ANKRD12: variants seen among roughly 807,000 people sequenced by gnomAD.
ANKRD12 encodes ankyrin repeat domain 12.
A neutral mutation model predicts 183.4 loss-of-function variants in ANKRD12; 85 were observed. The observed-to-expected ratio is 0.46, with a 90% CI of 0.39 to 0.56. ANKRD12 has a LOEUF of 0.56. ANKRD12 is among the 20% of genes least tolerant of loss of function. The pLI is 0.00. For missense variants in ANKRD12, 2,405 were observed against 2,357.1 expected, an observed-to-expected ratio of 1.02 and a Z score of -0.42; for synonymous variants, 914 against 800.2, an observed-to-expected ratio of 1.14 and a Z score of -2.40.
At chr18:9,146,202 ATTTGCC>A (rs1006627697) in intron 1 of ANKRD12, among the ~76,000 whole-genome samples, 13 of 152,208 alleles carry the variant, frequency 8.5e-5, no homozygotes, top group African/African-American at 3.1e-4. Context: ...CATCAGTGAC[ATTTGCC>A]TTTTTTTCCC....
chr18:9,187,687 A>G (rs1952556252), intron 2 of ANKRD12, among the ~76,000 whole-genome samples: 1 of 152,174 alleles, frequency 6.6e-6, no homozygotes, highest in Non-Finnish European at 1.5e-5. Flanking sequence ...TTTTCCCCCC[A>G]TTGATTCTAG....
chr18:9,144,496 C>T (rs1323993602), intron 1 of ANKRD12, among the ~76,000 whole-genome samples: 1 of 152,124 alleles, frequency 6.6e-6, no homozygotes, highest in Non-Finnish European at 1.5e-5. Flanking sequence ...TTTGTATACT[C>T]AGATGTTAGG....
intron 4 of ANKRD12, among the ~76,000 whole-genome samples, chr18:9,207,466 C>A (rs959046389): frequency 1.2e-4 from 19 of 152,018 alleles, no homozygotes; most frequent in Non-Finnish European, 2.8e-4. Context: ...TGATTTTTCT[C>A]AGCCATAAAG....
chr18:9,207,728 G>T (rs1200869024), intron 4 of ANKRD12, among the ~76,000 whole-genome samples: 1 of 151,656 alleles, frequency 6.6e-6, no homozygotes, highest in Admixed American at 6.6e-5. Context: ...GCTCCTCTTT[G>T]CAGGTACCCT....
At chr18:9,203,571 C>G (rs1281365523) in intron 3 of ANKRD12, among the ~76,000 whole-genome samples, 1 of 150,288 alleles carries the variant, frequency 6.7e-6, no homozygotes, top group Non-Finnish European at 1.5e-5. Context: ...AGGCAGAATT[C>G]CATATATATA....
rs181948596 is a variant in ANKRD12, at chr18:9,155,561, T to C, written c.-52+18596T>C. 3.5e-4 allele frequency among the ~76,000 whole-genome samples: 54 copies of C among 152,370 alleles called. No homozygotes were observed. In the East Asian group the frequency reaches 5.2e-3, roughly 15 times the overall value. ...GCCAAATACCTCTCCAAGGAGAATA[T>C]ATCCCAATTTTTATCCCCATCAGCA... On this transcript the variant is annotated intron_variant, in intron 1 of 12. Transcript: ENST00000262126.
chr18:9,255,418 C>G lies in ANKRD12; in HGVS notation c.2151C>G (p.Ser717=). 6.4e-7 allele frequency: 1 copy of G among 1,571,138 alleles called. No individual in the cohort carries two copies. The highest frequency in any genetic ancestry group is 8.6e-7 in the Non-Finnish European group (1 of 1,167,484). ...TCTTTTTAAATATGGAACATGAATCCTTAACATTAGAAAAAAAATCAAAAT... is the reference window on the plus strand; with the variant it reads ...TCTTTTTAAATATGGAACATGAATCGTTAACATTAGAAAAAAAATCAAAAT... ...EDLFLNMEHE[S]LTLEKKSKLE... is the part of the protein sequence containing the mutation. Residue 717 remains serine, a synonymous_variant, in exon 9 of 13, where the codon TCC becomes TCG. Transcript: ENST00000262126.
At chr18:9,153,482 T>G (rs2029906225) in intron 1 of ANKRD12, among the ~76,000 whole-genome samples, 1 of 152,226 alleles carries the variant, frequency 6.6e-6, no homozygotes, top group South Asian at 2.1e-4. Context: ...TTTTCCTGGT[T>G]TGGCCCTTGG....
At chr18:9,204,307 G>A (rs1012578494) in intron 3 of ANKRD12, among the ~76,000 whole-genome samples, 169 bp from the exon 4 acceptor site, 3 of 152,292 alleles carry the variant, frequency 2.0e-5, no homozygotes, top group Non-Finnish European at 1.5e-5. Flanking sequence ...ATTAGGTGTT[G>A]ACCAAACCTG....
chr18:9,228,113 A>G (rs947882913), intron 8 of ANKRD12, among the ~76,000 whole-genome samples: 2 of 151,876 alleles, frequency 1.3e-5, no homozygotes, highest in African/African-American at 4.8e-5. Context: ...AATGACATCC[A>G]TGTTGCTGCA....
chr18:9,168,826 A>G (rs1040335069), intron 1 of ANKRD12, among the ~76,000 whole-genome samples: 3 of 151,660 alleles, frequency 2.0e-5, no homozygotes, highest in Non-Finnish European at 4.4e-5. Context: ...TGTCAATTTT[A>G]GATCTTTCCT....
chr18:9,205,050 T>C (rs996127077), intron 4 of ANKRD12, among the ~76,000 whole-genome samples: 2 of 152,230 alleles, frequency 1.3e-5, no homozygotes, highest in African/African-American at 4.8e-5. Flanking sequence ...AGGTTAAATT[T>C]AACTATAACT....
intron 6 of ANKRD12, among the ~76,000 whole-genome samples, chr18:9,216,073 C>A (rs916774442): frequency 6.7e-6 from 1 of 148,360 alleles, no homozygotes; most frequent in Non-Finnish European, 1.5e-5. Flanking sequence ...GAAACTAAAG[C>A]AAACAGTGGA....
rs773999861 is a variant in ANKRD12, at chr18:9,277,321, CT to C, written c.5907+1679del. 5.1e-3 allele frequency among the ~76,000 whole-genome samples: 433 copies of C among 84,642 alleles called. 1 individual carries two copies. Among genetic ancestry groups the C allele is most frequent in the South Asian group, 7.7e-3 (17 of 2,196 alleles). The allele number at this position is 84,642 out of a possible 152,430, so 55.5% of individuals were successfully genotyped here. A position where few individuals can be genotyped will look rare whatever the true frequency, so the allele number is the denominator to read the frequency against. On this transcript the variant is annotated intron_variant, in intron 11 of 12. Transcript: ENST00000262126. The stretch of plus-strand genomic sequence containing the variant: ...TGGATGACAGAGTGACACCCTGTTT[CT>C]TTTTTTTTTTTTTTTTTTTTTTTTA...
chr18:9,152,011 G>GT (rs1396696685), intron 1 of ANKRD12, among the ~76,000 whole-genome samples: 6 of 152,140 alleles, frequency 3.9e-5, no homozygotes, highest in Non-Finnish European at 8.8e-5. Context: ...GAGGCCATGA[G>GT]TTTGTGGCTA....
chr18:9,255,052 A>G lies in ANKRD12; in HGVS notation c.1785A>G (p.Ser595=). 1.3e-6 allele frequency: 2 copies of G among 1,592,894 alleles called. No individual in the cohort carries two copies. The highest frequency in any genetic ancestry group is 8.5e-7 in the Non-Finnish European group (1 of 1,172,530). Residue 595 remains serine (S), a synonymous_variant, in exon 9 of 13, where the codon TCA becomes TCG. Coordinates refer to ENST00000262126, the MANE Select transcript of ANKRD12 (RefSeq NM_015208.5). ...AATCTGAATTCTTGCCAGAAAGTTC[A>G]AGTGTAAAATCTTGTAAGCATAAGG... is the stretch of plus-strand genomic sequence containing the variant. ...NTESEFLPES[S]SVKSCKHKEK...
intron 6 of ANKRD12, among the ~76,000 whole-genome samples, chr18:9,212,448 A>G (rs1381782489): frequency 6.1e-5 from 8 of 131,326 alleles, no homozygotes; most frequent in Non-Finnish European, 9.9e-5. Flanking sequence ...TAGTTCTGCA[A>G]CCTGCCTTAA....
intron 8 of ANKRD12, among the ~76,000 whole-genome samples, chr18:9,234,480 T>C (rs149572406): frequency 8.5e-4 from 129 of 152,240 alleles, no homozygotes; most frequent in African/African-American, 2.8e-3. Flanking sequence ...AGGGGCTTCG[T>C]TTTTGGTACA....
At chr18:9,186,708 A>G (rs943494973) in intron 2 of ANKRD12, among the ~76,000 whole-genome samples, 25 of 148,386 alleles carry the variant, frequency 1.7e-4, no homozygotes, top group African/African-American at 5.3e-4. Context: ...AGGCATGACC[A>G]TCATTCATGT....
Sources: gnomAD v4.1 joint callset for allele counts (sites outside exome capture counted in the v4.1 genomes callset) on GRCh38, gnomAD v4.1.1 for gene constraint, MANE v1.5 for transcripts, NCBI Gene and HGNC (gene_info 2026-07-23, HGNC 2026-07-21) for gene names.